Variants in MTHFD2L observed in about 807,000 individuals in gnomAD.
The protein encoded by MTHFD2L is methylenetetrahydrofolate dehydrogenase (NADP+ dependent) 2 like, also known as bifunctional methylenetetrahydrofolate dehydrogenase/cyclohydrolase 2, mitochondrial.
Under a neutral mutation model 34.9 loss-of-function variants are expected in MTHFD2L, and 29 were observed. That is an observed-to-expected ratio of 0.83 (90% CI 0.62 to 1.13). The LOEUF (loss-of-function observed/expected upper bound fraction) is 1.13. MTHFD2L is among the 50% of genes most tolerant of loss of function. The pLI, the probability that MTHFD2L is intolerant of heterozygous loss-of-function variation, is 0.00. For synonymous variants in MTHFD2L, 167 were observed against 155.7 expected, an observed-to-expected ratio of 1.07 and a Z score of -0.54; for missense variants, 481 against 446.5, an observed-to-expected ratio of 1.08 and a Z score of -0.70.
intron 3 of MTHFD2L, chr4:74,194,002 T>C (rs112496572): frequency 2.6e-5 from 4 of 152,316 alleles, no homozygotes; most frequent in African/African-American, 9.6e-5. Flanking sequence ...AAAGGTTCAG[T>C]ATTTCACTAT....
chr4:74,265,509 A>G (rs1336233038), intron 6 of MTHFD2L, among the ~76,000 whole-genome samples: 1 of 152,194 alleles, frequency 6.6e-6, no homozygotes, highest in Non-Finnish European at 1.5e-5. Context: ...CACACTTTAT[A>G]TACATTATTC....
At chr4:74,244,748 A>G (rs1208127945) in intron 6 of MTHFD2L, among the ~76,000 whole-genome samples, 39 of 152,206 alleles carry the variant, frequency 2.6e-4, no homozygotes, top group Non-Finnish European at 1.5e-5. Context: ...TTCAAATTCT[A>G]CATTGCAATT....
chr4:74,300,534 GATT>G (rs1750171789), intron 7 of MTHFD2L, among the ~76,000 whole-genome samples: 1 of 152,008 alleles, frequency 6.6e-6, no homozygotes, highest in Non-Finnish European at 1.5e-5. Context: ...AATAATGTCA[GATT>G]ATGCATTAAA....
Position 74,275,273 on chromosome 4 carries a change from A to C in MTHFD2L, c.806-6152A>C, listed in dbSNP as rs183729829. Reference sequence around the variant, plus strand: ...CATCCATGTCCCTGCAAAGGACATGATCTCGTTCCCTTTTGTGGCTGCATA... The same window carrying C: ...CATCCATGTCCCTGCAAAGGACATGCTCTCGTTCCCTTTTGTGGCTGCATA... On this transcript the variant is annotated intron_variant, in intron 6 of 7. Coordinates refer to ENST00000325278, the MANE Select transcript of MTHFD2L (RefSeq NM_001144978.3). Among the ~76,000 whole-genome samples, 106 of 152,254 alleles carry C rather than the reference A, an allele frequency of 7.0e-4. 1 individual carries two copies. The highest frequency in any genetic ancestry group is 1.7e-3 in the East Asian group (9 of 5,176).
At chr4:74,256,519 T>C (rs989749606) in intron 6 of MTHFD2L, among the ~76,000 whole-genome samples, 2 of 152,210 alleles carry the variant, frequency 1.3e-5, no homozygotes, top group African/African-American at 2.4e-5. Flanking sequence ...ACGATTCTTA[T>C]AGTTTGAGGC....
chr4:74,269,886 T>G (rs1442469429), intron 6 of MTHFD2L, among the ~76,000 whole-genome samples: 5 of 152,088 alleles, frequency 3.3e-5, no homozygotes, highest in African/African-American at 1.2e-4. Context: ...AGAAGGCAGA[T>G]AAGTATAGAT....
At chr4:74,187,265 C>T (rs1198779083) in intron 3 of MTHFD2L, among the ~76,000 whole-genome samples, 1 of 151,806 alleles carries the variant, frequency 6.6e-6, no homozygotes, top group Non-Finnish European at 1.5e-5. Flanking sequence ...AAATAAAACA[C>T]AAAGAGGAAA....
chr4:74,158,124 C>T lies in MTHFD2L; in HGVS notation c.-15C>T, dbSNP rs1051514609. On this transcript the variant is annotated 5_prime_UTR_variant, in exon 1 of 8. Transcript: ENST00000325278. ...GGAGGTGGAGCCCCAGTCCGGAAGC[C>T]GGGGATCCGCGGCCATGACGGTGCC... The T allele has an allele frequency of 1.2e-5, 18 of 1,529,714 alleles. No individual in the cohort carries two copies. The African/African-American group carries it at 1.8e-4, about 15-fold the overall frequency. The allele number at this position is 1,529,714 out of a possible 1,614,324, so 94.8% of individuals were successfully genotyped here. A position where few individuals can be genotyped will look rare whatever the true frequency, so the allele number is the denominator to read the frequency against.
At chr4:74,253,043 G>T (rs948157734) in intron 6 of MTHFD2L, among the ~76,000 whole-genome samples, 1 of 152,140 alleles carries the variant, frequency 6.6e-6, no homozygotes, top group South Asian at 2.1e-4. Context: ...TTAGATGTTA[G>T]AAGATGATAG....
At chr4:74,195,175 G>C (rs2110035443) in intron 3 of MTHFD2L, 1 of 152,336 alleles carries the variant, frequency 6.6e-6, no homozygotes, top group South Asian at 2.1e-4. Context: ...CAGATTGAGA[G>C]AAGACGAGAG....
At chr4:74,132,802 A>G (rs563911494) in intron 1 of MTHFD2L, among the ~76,000 whole-genome samples, 3 of 152,306 alleles carry the variant, frequency 2.0e-5, no homozygotes, top group Non-Finnish European at 4.4e-5. Context: ...AATTTTTATT[A>G]TATCAGTTCG....
At chr4:74,259,478 G>A in intron 6 of MTHFD2L, among the ~76,000 whole-genome samples, 1 of 152,164 alleles carries the variant, frequency 6.6e-6, no homozygotes, top group South Asian at 2.1e-4. Context: ...TATCATTCTA[G>A]CAGCACTGGG....
chr4:74,160,013 GA>G (rs1463752533), intron 1 of MTHFD2L: 1 of 1,250,970 alleles, frequency 8.0e-7, no homozygotes, highest in East Asian at 5.7e-5. Context: ...GAGGAATTCG[GA>G]CAGTGTGTTG....
chr4:74,179,842 G>A lies in MTHFD2L; in HGVS notation c.451+4439G>A, dbSNP rs989706662. 3.3e-5 allele frequency among the ~76,000 whole-genome samples: 5 copies of A among 151,954 alleles called. No individual in the cohort carries two copies. In the East Asian group the frequency reaches 9.6e-4, roughly 29 times the overall value. ...TGATTGGACTTCTGCATCATCTTCT[G>A]GCATTAATAATACTTATAATTCATT... On this transcript the variant is annotated intron_variant, in intron 3 of 7. Transcript: ENST00000325278.
At chr4:74,271,662 T>C (rs1746006387) in intron 6 of MTHFD2L, among the ~76,000 whole-genome samples, 1 of 152,224 alleles carries the variant, frequency 6.6e-6, no homozygotes, top group Non-Finnish European at 1.5e-5. Flanking sequence ...GGCTCTTTTT[T>C]GGTTCCATAT....
chr4:74,263,576 T>C (rs1744941760), intron 6 of MTHFD2L, among the ~76,000 whole-genome samples: 1 of 152,060 alleles, frequency 6.6e-6, no homozygotes, highest in African/African-American at 2.4e-5. Context: ...GGTATTATAT[T>C]TTACTCTTTT....
intron 7 of MTHFD2L, among the ~76,000 whole-genome samples, chr4:74,284,930 G>A (rs60560556): frequency 0.044 from 6,622 of 152,022 alleles, 440 homozygotes; most frequent in African/African-American, 0.15. Flanking sequence ...GCAAAGACTT[G>A]GAACCAACCC....
At chr4:74,281,060 T>C (rs1010690349) in intron 6 of MTHFD2L, among the ~76,000 whole-genome samples, 1 of 151,800 alleles carries the variant, frequency 6.6e-6, no homozygotes, top group Non-Finnish European at 1.5e-5. Context: ...TTGCTTTCAC[T>C]GTGCTCCACT....
At chr4:74,176,078 G>T (rs1171352215) in intron 3 of MTHFD2L, among the ~76,000 whole-genome samples, 2 of 152,080 alleles carry the variant, frequency 1.3e-5, no homozygotes, top group Admixed American at 6.6e-5. Flanking sequence ...ACATTTAAAG[G>T]AATTTCAGTA....
Sources: gnomAD v4.1 joint callset for allele counts (sites outside exome capture counted in the v4.1 genomes callset) on GRCh38, gnomAD v4.1.1 for gene constraint, MANE v1.5 for transcripts, NCBI Gene and HGNC (gene_info 2026-07-23, HGNC 2026-07-21) for gene names.